The following CTNNA1 variants were observed in gnomAD, a reference collection of about 807,000 sequenced individuals.
CTNNA1 encodes catenin alpha-1.
A neutral mutation model predicts 98.4 loss-of-function variants in CTNNA1; 37 were observed. The observed-to-expected ratio is 0.38, with a 90% CI of 0.29 to 0.49. The LOEUF (loss-of-function observed/expected upper bound fraction) is 0.49, where lower values mean the gene tolerates loss of function less well. CTNNA1 is among the 20% of genes least tolerant of loss of function. The pLI, the probability that CTNNA1 is intolerant of heterozygous loss-of-function variation, is 0.95. For missense variants in CTNNA1, 761 were observed against 1,147.2 expected, an observed-to-expected ratio of 0.66 and a Z score of 4.86; for synonymous variants, 404 against 413.2, an observed-to-expected ratio of 0.98 and a Z score of 0.27.
Position 138,783,262 on chromosome 5 carries a change from C to T in CTNNA1, c.191C>T (p.Ser64Phe), listed in dbSNP as rs774398928. Residue 64 changes from serine to phenylalanine, a missense_variant, in exon 3 of 18, where the codon TCT becomes TTT. By Grantham distance (155) the Ser-to-Phe change is radical. Coordinates refer to ENST00000302763, the MANE Select transcript of CTNNA1 (RefSeq NM_001903.5). ...RSKKAHVLAASVEQATENFLE... is the reference protein window; with the variant it reads ...RSKKAHVLAAFVEQATENFLE... ...AAGAAGGCCCATGTTTTGGCTGCAT[C>T]TGTTGAACAAGCAACTGAGAATTTC... 6.2e-7 allele frequency: 1 copy of T among 1,614,028 alleles called. No individual in the cohort carries two copies. Among genetic ancestry groups the T allele is most frequent in the Non-Finnish European group, 8.5e-7 (1 of 1,180,010 alleles).
chr5:138,757,119 A>G (rs996596680), intron 1 of CTNNA1, among the ~76,000 whole-genome samples: 1 of 151,540 alleles, frequency 6.6e-6, no homozygotes, highest in Non-Finnish European at 1.5e-5. Flanking sequence ...TCATTGCTTG[A>G]GCTTGGGAGG....
intron 8 of CTNNA1, among the ~76,000 whole-genome samples, chr5:138,886,874 A>G (rs1221609959): frequency 1.3e-5 from 2 of 152,176 alleles, no homozygotes; most frequent in Non-Finnish European, 2.9e-5. Flanking sequence ...TTATAAAGCA[A>G]TGTATTAAGA....
Position 138,873,859 on chromosome 5 carries a change from G to A in CTNNA1, c.1063-12353G>A. On this transcript the variant is annotated intron_variant, in intron 7 of 17. Coordinates refer to ENST00000302763, the MANE Select transcript of CTNNA1 (RefSeq NM_001903.5). The surrounding 1 kb of genome is among the most constrained non-coding windows in gnomAD (Gnocchi z 6.1). ...TGCTGATTTTGTTCCATTGTAAGAA[G>A]AGCGTGTGCAGACTGCTTAGCCGTA... The A allele has an allele frequency of 6.2e-7, 1 of 1,614,018 alleles. No homozygotes were observed. The highest frequency in any genetic ancestry group is 8.5e-7 in the Non-Finnish European group (1 of 1,179,904).
At chr5:138,819,813 T>G (rs1039580413) in intron 5 of CTNNA1, among the ~76,000 whole-genome samples, 1 of 96,744 alleles carries the variant, frequency 1.0e-5, no homozygotes, top group Non-Finnish European at 2.0e-5. Flanking sequence ...TAGTCCCCAG[T>G]GTTGGAGGAG....
At position 138,896,481 on chromosome 5, in the gene CTNNA1, G is replaced by A. The variant is rs566520721; in HGVS notation, c.1297-7868G>A. On this transcript the variant is annotated intron_variant, in intron 9 of 17. Coordinates refer to ENST00000302763, the MANE Select transcript of CTNNA1 (RefSeq NM_001903.5). ...GAGGGTCTGGCTGGGACCTGTGACC[G>A]CCTCATACTGCACTTCTCAGTGGAA... Among the ~76,000 whole-genome samples, 14 of 152,242 alleles carry A rather than the reference G, an allele frequency of 9.2e-5. No individual in the cohort carries two copies. The South Asian group carries it at 1.0e-3, about 11-fold the overall frequency.
In CTNNA1 at chr5:138,934,063, G is replaced by A. The variant is rs764563953; in HGVS notation, c.2695G>A (p.Glu899Lys). 6.2e-7 allele frequency: 1 copy of A among 1,613,094 alleles called. No homozygotes were observed. Among genetic ancestry groups the A allele is most frequent in the East Asian group, 2.2e-5 (1 of 44,866 alleles). Reference protein sequence around the residue: ...KHVNPVQALSEFKAMDSI With the variant: ...KHVNPVQALSKFKAMDSI The stretch of plus-strand genomic sequence containing the variant: ...CGTGAACCCGGTGCAGGCCCTCAGC[G>A]AGTTCAAAGCTATGGACAGCATCTA... The change falls in exon 18 of 18, where the codon GAG (glutamate) becomes AAG (lysine). Residue 899 changes from glutamate (E) to lysine (K), a missense_variant. Around this residue, in one of 6 missense-constraint regions of CTNNA1, gnomAD observed 57 missense variants for 90.9 expected, o/e 0.63. Coordinates refer to ENST00000302763, the MANE Select transcript of CTNNA1 (RefSeq NM_001903.5).
chr5:138,875,080 A>T, intron 7 of CTNNA1: 1 of 604,122 alleles, frequency 1.7e-6, no homozygotes, highest in Non-Finnish European at 2.8e-6. Context: ...TTTCCTTAGG[A>T]TATCCCTCTG....
chr5:138,801,655 C>G (rs1419996352), intron 3 of CTNNA1, among the ~76,000 whole-genome samples: 3 of 152,182 alleles, frequency 2.0e-5, no homozygotes, highest in Non-Finnish European at 4.4e-5. Flanking sequence ...GGTGATAGTT[C>G]CCTGCAAATC....
rs578131310 is a variant in CTNNA1 at position 138,874,844 on chromosome 5, G to T, written c.1063-11368G>T. ...ATTTCCCTCATAAAATGTGAATTCG[G>T]TAGCTTATTTTAAAAGCGTGATTCC... On this transcript the variant is annotated intron_variant, in intron 7 of 17. Coordinates refer to ENST00000302763, the MANE Select transcript of CTNNA1 (RefSeq NM_001903.5). This position sits in a 1 kb window ranked among gnomAD's most constrained non-coding sequence, Gnocchi z 4.1. The T allele has an allele frequency of 4.8e-6, 7 of 1,471,728 alleles. No individual in the cohort carries two copies. The highest frequency in any genetic ancestry group is 1.2e-5 in the South Asian group (1 of 84,314). 91.2% of individuals were successfully genotyped at this position (1,471,728 alleles called of 1,614,324 possible).
At chr5:138,902,406 A>C (rs1758231658) in intron 9 of CTNNA1, among the ~76,000 whole-genome samples, 1 of 152,182 alleles carries the variant, frequency 6.6e-6, no homozygotes, top group African/African-American at 2.4e-5. Flanking sequence ...TGGGCACCTC[A>C]CCAGGGATCT....
chr5:138,820,254 G>A (rs1283358776), intron 5 of CTNNA1, among the ~76,000 whole-genome samples: 3 of 151,932 alleles, frequency 2.0e-5, no homozygotes, highest in Non-Finnish European at 2.9e-5. Context: ...TGATAGTTTG[G>A]TGGTGACTTA....
At chr5:138,761,870 C>T (rs1289064859) in intron 1 of CTNNA1, 1 of 152,242 alleles carries the variant, frequency 6.6e-6, no homozygotes, top group African/African-American at 2.4e-5. Context: ...ATCCCCTCAC[C>T]GCAGCCTCCT....
chr5:138,781,061 C>T (rs904082852), intron 1 of CTNNA1, among the ~76,000 whole-genome samples: 23 of 152,244 alleles, frequency 1.5e-4, no homozygotes, highest in Non-Finnish European at 2.6e-4. Flanking sequence ...TTTCTTCTGG[C>T]TATGAGTGAT....
chr5:138,868,621 G>A (rs1765032543), intron 7 of CTNNA1, among the ~76,000 whole-genome samples: 1 of 152,162 alleles, frequency 6.6e-6, no homozygotes, highest in Non-Finnish European at 1.5e-5. Context: ...TGTGAGCCTG[G>A]GACAGTTGTT....
intron 7 of CTNNA1, among the ~76,000 whole-genome samples, chr5:138,857,953 A>G (rs528636483): frequency 2.4e-4 from 37 of 152,112 alleles, no homozygotes; most frequent in South Asian, 1.7e-3. Flanking sequence ...TGAACCACCC[A>G]CATATGAATC....
At chr5:138,816,205 A>G (rs1759421801) in intron 5 of CTNNA1, among the ~76,000 whole-genome samples, 1 of 152,218 alleles carries the variant, frequency 6.6e-6, no homozygotes, top group African/African-American at 2.4e-5. Flanking sequence ...CCATGTTTCC[A>G]TGAATGACAG....
intron 7 of CTNNA1, among the ~76,000 whole-genome samples, chr5:138,837,537 C>T (rs543155828): frequency 3.1e-5 from 4 of 128,954 alleles, no homozygotes; most frequent in African/African-American, 1.2e-4. Flanking sequence ...CTCCTCCCCC[C>T]CCTTTCCCCA....
In CTNNA1 at chr5:138,764,868, C is replaced by CTTTTTTTTT. The variant is rs35354499; in HGVS notation, c.-3+11372_-3+11380dup. 1.5e-4 allele frequency among the ~76,000 whole-genome samples: 13 copies of CTTTTTTTTT among 84,922 alleles called. 1 individual carries two copies. Among genetic ancestry groups the CTTTTTTTTT allele is most frequent in the East Asian group, 4.1e-4 (1 of 2,432 alleles). 55.7% of individuals were successfully genotyped at this position (84,922 alleles called of 152,430 possible). On this transcript the variant is annotated intron_variant, in intron 1 of 17. Transcript: ENST00000302763. ...AAGCAGTAATTTGCTGTATCTCTCTCTTTTTTTTTTTTTTTTTTTTTTGAG... is the reference window on the plus strand; with the variant it reads ...AAGCAGTAATTTGCTGTATCTCTCTCTTTTTTTTTTTTTTTTTTTTTTTTTTTTTTTGAG...
rs758660340 is a variant in CTNNA1 at position 138,824,622 on chromosome 5, A to T, written c.681A>T (p.Ala227=). The change falls in exon 6 of 18, where the codon GCA becomes GCT. Residue 227 remains alanine, a synonymous_variant. Transcript: ENST00000302763. ...CGATCCTCTATACTGCATCCCAGGC[A>T]TGCCTACAGCACCCTGATGTCGCAG... The part of the protein sequence containing the change: ...NVPILYTASQ[A]CLQHPDVAAY... The T allele has an allele frequency of 6.2e-7, 1 of 1,614,246 alleles. No individual in the cohort carries two copies. The highest frequency in any genetic ancestry group is 2.2e-5 in the East Asian group (1 of 44,890).
Sources: gnomAD v4.1 joint callset for allele counts (sites outside exome capture counted in the v4.1 genomes callset) on GRCh38, gnomAD v4.1.1 for gene constraint, gnomAD v4.1.1 regional missense constraint, Gnocchi (gnomAD v3.1) non-coding constraint, MANE v1.5 for transcripts, NCBI Gene and HGNC (gene_info 2026-07-23, HGNC 2026-07-21) for gene names.